PIGR: variants seen among roughly 807,000 people sequenced by gnomAD.
PIGR encodes polymeric immunoglobulin receptor, also known as hepatocellular carcinoma associated protein TB6.
PIGR carries 22 observed loss-of-function variants against 69.5 expected under a neutral mutation model. The observed-to-expected ratio is 0.32, with a 90% CI of 0.23 to 0.45. The LOEUF (loss-of-function observed/expected upper bound fraction) is 0.45, where lower values mean the gene tolerates loss of function less well. PIGR is among the 20% of genes least tolerant of loss of function. PIGR has a pLI of 1.00. For missense variants in PIGR, 885 were observed against 974.0 expected (o/e 0.91, Z 1.22); for synonymous variants, 413 against 407.6 (o/e 1.01, Z -0.16).
Position 206,935,666 on chromosome 1 carries a change from C to T in PIGR, c.1198G>A (p.Asp400Asn), listed in dbSNP as rs763503366. ...TGGGCCTTAACCCACCCCTCGCTGT[C>T]CACCAGCAGGGGGCAGCGGCCATTC... ...AQNGRCPLLV[D>N]SEGWVKAQYE... is the part of the protein sequence containing the mutation. Residue 400 changes from aspartate (D) to asparagine (N), a missense_variant, in exon 5 of 11, where the codon GAC becomes AAC. Coordinates refer to ENST00000356495, the MANE Select transcript of PIGR (RefSeq NM_002644.4). This position sits in a 1 kb window ranked among gnomAD's most constrained non-coding sequence, Gnocchi z 4.4. The T allele has an allele frequency of 1.9e-5, 30 of 1,613,898 alleles. No individual in the cohort carries two copies. The highest frequency in any genetic ancestry group is 2.5e-5 in the Non-Finnish European group (29 of 1,179,990).
chr1:206,939,132 C>T lies in PIGR; in HGVS notation c.375G>A (p.Leu125=). 6.2e-7 allele frequency: 1 copy of T among 1,608,636 alleles called. No homozygotes were observed. Among genetic ancestry groups the T allele is most frequent in the Non-Finnish European group, 8.5e-7 (1 of 1,175,638 alleles). Residue 125 remains leucine (L), a synonymous_variant, in exon 3 of 11, where the codon CTG becomes CTA. Coordinates refer to ENST00000356495, the MANE Select transcript of PIGR (RefSeq NM_002644.4). ...TTGGATCCTTACCCTGGCTGACCTC[C>T]AGGCTGACATCAAAGGACAGGCCTC... ...NSRGLSFDVS[L]EVSQGPGLLN...
chr1:206,931,894 G>T, intron 8 of PIGR, 92 bp from the exon 9 acceptor site: 1 of 1,428,430 alleles, frequency 7.0e-7, no homozygotes, highest in South Asian at 1.2e-5. Flanking sequence ...ATCCACTGTA[G>T]CCCTGCAGGA....
At position 206,931,565 on chromosome 1, in the gene PIGR, G is replaced by C. The variant is rs780736838; in HGVS notation, c.2141-10C>G. Reference sequence around the variant, plus strand: ...GTGGTGGCAACAAACTCTGTGTGAAGAAAGAGGGTAGGTTAGCCCTTACTA... The same window carrying C: ...GTGGTGGCAACAAACTCTGTGTGAACAAAGAGGGTAGGTTAGCCCTTACTA... On this transcript the variant is annotated splice_polypyrimidine_tract_variant and intron_variant, in intron 9 of 10. Transcript: ENST00000356495. 6.2e-7 allele frequency: 1 copy of C among 1,613,902 alleles called. No homozygotes were observed. The highest frequency in any genetic ancestry group is 8.5e-7 in the Non-Finnish European group (1 of 1,179,950).
rs1415141633 is a variant in PIGR, at chr1:206,946,466, C to T, written c.-184G>A. On this transcript the variant is annotated 5_prime_UTR_variant, in exon 1 of 11. Transcript: ENST00000356495. ...CTGCTGCCAAAACTGAAACTCTGCT[C>T]AGTGTTTGACCCACACCTGGGCTCT... 1 of 152,254 alleles carries T rather than the reference C, an allele frequency of 6.6e-6. No individual in the cohort carries two copies. The highest frequency in any genetic ancestry group is 1.5e-5 in the Non-Finnish European group (1 of 68,080). 9.4% of individuals were successfully genotyped at this position (152,254 alleles called of 1,614,324 possible).
chr1:206,932,962 G>C, intron 7 of PIGR, 24 bp downstream of exon 7: 1 of 1,611,716 alleles, frequency 6.2e-7, no homozygotes, highest in Non-Finnish European at 8.5e-7. Flanking sequence ...TTCTCCGAGT[G>C]GGGAGCCTTG....
rs374699300 is a variant in PIGR at position 206,930,562 on chromosome 1, T to G, written c.2200-149A>C. The G allele has an allele frequency of 6.4e-5, 85 of 1,331,362 alleles. 4 individuals are homozygous for G. In the South Asian group the frequency reaches 1.6e-3, roughly 25 times the overall value. 82.5% of individuals were successfully genotyped at this position (1,331,362 alleles called of 1,614,324 possible). A position where few individuals can be genotyped will look rare whatever the true frequency, so the allele number is the denominator to read the frequency against. Reference sequence around the variant, plus strand: ...CCCACTGTTCTCATCCCAGCCCCCATGCTCACCAAGAAGGACGCATTTTGA... The same window carrying G: ...CCCACTGTTCTCATCCCAGCCCCCAGGCTCACCAAGAAGGACGCATTTTGA... On this transcript the variant is annotated intron_variant, in intron 10 of 10. Coordinates refer to ENST00000356495, the MANE Select transcript of PIGR (RefSeq NM_002644.4). This position sits in a 1 kb window ranked among gnomAD's most constrained non-coding sequence, Gnocchi z 4.3.
At position 206,931,806 on chromosome 1, in the gene PIGR, T is replaced by G; in HGVS notation, c.2009-4A>C. On this transcript the variant is annotated splice_polypyrimidine_tract_variant and splice_region_variant and intron_variant, in intron 8 of 10. Coordinates refer to ENST00000356495, the MANE Select transcript of PIGR (RefSeq NM_002644.4). ...TAGCTTCTGATTGAAACTCGGTCTG[T>G]CCGGGAGGAAGAGGAGTTGGTGTAA... is the stretch of plus-strand genomic sequence containing the variant. The G allele has an allele frequency of 6.2e-7, 1 of 1,614,052 alleles. No homozygotes were observed. Among genetic ancestry groups the G allele is most frequent in the Non-Finnish European group, 8.5e-7 (1 of 1,179,990 alleles).
chr1:206,940,990 C>T (rs189741589), intron 1 of PIGR, among the ~76,000 whole-genome samples: 11 of 152,252 alleles, frequency 7.2e-5, no homozygotes, highest in Non-Finnish European at 1.2e-4. Flanking sequence ...GGAGGTGAAG[C>T]GGGCTGACAT....
chr1:206,929,633 T>G lies in PIGR; in HGVS notation c.*685A>C, dbSNP rs1206435381. On this transcript the variant is annotated 3_prime_UTR_variant, in exon 11 of 11. Coordinates refer to ENST00000356495, the MANE Select transcript of PIGR (RefSeq NM_002644.4). ...AAATGGTAAGAATGTGGGTTTATAA[T>G]TACCTGTGTGTATGCTCATCATACA... is the stretch of plus-strand genomic sequence containing the variant. The G allele has an allele frequency of 6.6e-6, 1 of 152,220 alleles. No individual in the cohort carries two copies. The highest frequency in any genetic ancestry group is 1.9e-4 in the East Asian group (1 of 5,208). 9.4% of individuals were successfully genotyped at this position (152,220 alleles called of 1,614,324 possible).
Position 206,932,988 on chromosome 1 carries a change from G to T in PIGR, c.1884C>A (p.Gly628=). The change falls in exon 7 of 11, where the codon GGC becomes GGA. Residue 628 remains glycine, a splice_region_variant and synonymous_variant. Coordinates refer to ENST00000356495, the MANE Select transcript of PIGR (RefSeq NM_002644.4). The part of the protein sequence containing the change: ...ADGSRASVDS[G]SSEEQGGSSR... ...GGGAGCCTTGAATCCTTCCTTACCT[G>T]CCGGAATCCACAGATGCTCTGCTCC... The T allele has an allele frequency of 6.2e-7, 1 of 1,613,952 alleles. No individual in the cohort carries two copies. Among genetic ancestry groups the T allele is most frequent in the Admixed American group, 1.7e-5 (1 of 60,030 alleles).
Position 206,930,970 on chromosome 1 carries a change from G to A in PIGR, c.2199+527C>T. 1.0e-6 allele frequency: 1 copy of A among 985,444 alleles called. No homozygotes were observed. The highest frequency in any genetic ancestry group is 1.2e-6 in the Non-Finnish European group (1 of 829,916). 61.0% of individuals were successfully genotyped at this position (985,444 alleles called of 1,614,324 possible). On this transcript the variant is annotated intron_variant, in intron 10 of 10. Coordinates refer to ENST00000356495, the MANE Select transcript of PIGR (RefSeq NM_002644.4). The surrounding 1 kb of genome is among the most constrained non-coding windows in gnomAD (Gnocchi z 4.3). ...TCTTGGTCCCCTGAGTCCTAGGGCAGATTGAGGGGATGGTATATGGCACCC... is the reference window on the plus strand; with the variant it reads ...TCTTGGTCCCCTGAGTCCTAGGGCAAATTGAGGGGATGGTATATGGCACCC...
rs778278414 is a variant in PIGR at position 206,932,548 on chromosome 1, G to A, written c.1916C>T (p.Ala639Val). The A allele has an allele frequency of 8.1e-6, 13 of 1,613,624 alleles. No individual in the cohort carries two copies. Among genetic ancestry groups the A allele is most frequent in the South Asian group, 3.3e-5 (3 of 91,064 alleles). ...SSEEQGGSSRALVSTLVPLGL... is the reference protein window; with the variant it reads ...SSEEQGGSSRVLVSTLVPLGL... The stretch of plus-strand genomic sequence containing the variant: ...CAGGGGCACCAGGGTGGAGACCAGC[G>A]CTCTGGAGCTTCCACCTTGTTCCTC... Residue 639 changes from alanine to valine, a missense_variant, in exon 8 of 11, where the codon GCG (alanine) becomes GTG (valine). Transcript: ENST00000356495.
At chr1:206,931,244 G>T (rs1186757720) in intron 10 of PIGR, 11 of 985,252 alleles carry the variant, frequency 1.1e-5, no homozygotes, top group Admixed American at 6.2e-5. Context: ...CTCCTGGCCT[G>T]CCTCTCTCCT....
Position 206,939,103 on chromosome 1 carries a change from G to A in PIGR, c.388+16C>T, listed in dbSNP as rs371975568. On this transcript the variant is annotated intron_variant, in intron 3 of 10. Coordinates refer to ENST00000356495, the MANE Select transcript of PIGR (RefSeq NM_002644.4). ...TCTAACTTTCCCCCAGAAGCCCAAGGAGCTTGGATCCTTACCCTGGCTGAC... is the reference window on the plus strand; with the variant it reads ...TCTAACTTTCCCCCAGAAGCCCAAGAAGCTTGGATCCTTACCCTGGCTGAC... The A allele has an allele frequency of 2.1e-5, 34 of 1,585,958 alleles. 1 individual carries two copies. The highest frequency in any genetic ancestry group is 1.0e-4 in the South Asian group (9 of 88,796).
chr1:206,941,661 G>A (rs1009442673), intron 1 of PIGR, among the ~76,000 whole-genome samples: 3 of 152,204 alleles, frequency 2.0e-5, no homozygotes, highest in Admixed American at 6.5e-5. Flanking sequence ...ATGAAGAATC[G>A]AAGATGAGAC....
Position 206,931,528 on chromosome 1 carries a change from G to T in PIGR, c.2168C>A (p.Thr723Lys). Reference protein sequence around the residue: ...EEFVATTESTTETKEPKKAKR... With the variant: ...EEFVATTESTKETKEPKKAKR... ...TGCCTTCTTGGGTTCTTTGGTCTCT[G>T]TGGTGCTCTCAGTGGTGGCAACAAA... Residue 723 changes from threonine (T) to lysine (K), a missense_variant, in exon 10 of 11, where the codon ACA becomes AAA. Thr to Lys is a moderately conservative substitution (Grantham distance 78). Coordinates refer to ENST00000356495, the MANE Select transcript of PIGR (RefSeq NM_002644.4). The T allele has an allele frequency of 6.2e-7, 1 of 1,614,066 alleles. No individual in the cohort carries two copies. The highest frequency in any genetic ancestry group is 2.2e-5 in the East Asian group (1 of 44,880).
chr1:206,940,457 G>A (rs1200354581), intron 2 of PIGR, 32 bp downstream of exon 2: 2 of 1,549,900 alleles, frequency 1.3e-6, no homozygotes, highest in African/African-American at 1.4e-5. Flanking sequence ...TGAAGGGGTG[G>A]AGCTTGGAGA....
In PIGR at chr1:206,939,113, C is replaced by T. The variant is rs1359052629; in HGVS notation, c.388+6G>A. ...CCCCAGAAGCCCAAGGAGCTTGGAT[C>T]CTTACCCTGGCTGACCTCCAGGCTG... On this transcript the variant is annotated splice_donor_region_variant and intron_variant, in intron 3 of 10. Transcript: ENST00000356495. 1.9e-6 allele frequency: 3 copies of T among 1,600,196 alleles called. No individual in the cohort carries two copies. Among genetic ancestry groups the T allele is most frequent in the Non-Finnish European group, 1.7e-6 (2 of 1,169,918 alleles).
rs888287575 is a variant in PIGR at position 206,934,360 on chromosome 1, G to T, written c.1705+60C>A. On this transcript the variant is annotated intron_variant, in intron 6 of 10. Transcript: ENST00000356495. ...CTGATTGAGAAGCTCTCAGGCAGGGGCCTTCAGGAAGTCCTGCCTCTGGGT... is the reference window on the plus strand; with the variant it reads ...CTGATTGAGAAGCTCTCAGGCAGGGTCCTTCAGGAAGTCCTGCCTCTGGGT... The T allele has an allele frequency of 6.4e-6, 9 of 1,412,186 alleles. No homozygotes were observed. The East Asian group carries it at 1.8e-4, about 29-fold the overall frequency. The allele number at this position is 1,412,186 out of a possible 1,614,324, so 87.5% of individuals were successfully genotyped here. A position where few individuals can be genotyped will look rare whatever the true frequency, so the allele number is the denominator to read the frequency against.
Sources: allele counts gnomAD v4.1 joint callset (sites outside exome capture counted in the v4.1 genomes callset), GRCh38; gene constraint gnomAD v4.1.1; non-coding constraint Gnocchi (gnomAD v3.1); transcripts MANE v1.5; gene names NCBI Gene and HGNC (gene_info 2026-07-23, HGNC 2026-07-21).